Variants in CRLF3 observed in about 807,000 individuals in gnomAD.
The protein encoded by CRLF3 is cytokine receptor-like factor 3.
CRLF3 carries 33 observed loss-of-function variants against 55.0 expected under a neutral mutation model. The ratio of observed to expected loss-of-function variants is 0.60; its 90% CI spans 0.46 to 0.80. The LOEUF (loss-of-function observed/expected upper bound fraction) is 0.80, where lower values mean the gene tolerates loss of function less well. CRLF3 is among the 30% of genes least tolerant of loss of function. CRLF3 has a pLI of 0.00. For missense variants in CRLF3, 494 were observed against 538.4 expected (o/e 0.92, Z 0.82); for synonymous variants, 238 against 196.8 (o/e 1.21, Z -1.75).
intron 1 of CRLF3, among the ~76,000 whole-genome samples, chr17:30,810,553 C>T (rs1275808895): frequency 5.3e-5 from 8 of 152,004 alleles, no homozygotes; most frequent in Non-Finnish European, 7.4e-5. Flanking sequence ...TAGAGCAAGA[C>T]TCCACCTCAA....
intron 1 of CRLF3, among the ~76,000 whole-genome samples, chr17:30,819,694 A>T (rs1163486805): frequency 4.6e-5 from 7 of 152,008 alleles, no homozygotes. Context: ...GCCAGGCTGG[A>T]TCTCTACTTA....
chr17:30,799,040 G>A (rs1242171344), intron 2 of CRLF3, among the ~76,000 whole-genome samples: 11 of 152,080 alleles, frequency 7.2e-5, no homozygotes, highest in Non-Finnish European at 1.5e-5. Flanking sequence ...TTGGGAGGCC[G>A]AGGTGGGCAA....
chr17:30,788,104 G>A (rs1026140005), intron 6 of CRLF3, among the ~76,000 whole-genome samples: 8 of 151,864 alleles, frequency 5.3e-5, no homozygotes, highest in East Asian at 1.9e-4. Flanking sequence ...CGAGGTGGGC[G>A]GATCACAAAG....
intron 1 of CRLF3, among the ~76,000 whole-genome samples, chr17:30,814,006 C>T (rs1418540452): frequency 6.6e-6 from 1 of 152,142 alleles, no homozygotes; most frequent in Non-Finnish European, 1.5e-5. Flanking sequence ...CTTGTAATCC[C>T]AGCACTTTGG....
chr17:30,785,371 G>A (rs1336562489), intron 7 of CRLF3, among the ~76,000 whole-genome samples: 2 of 151,658 alleles, frequency 1.3e-5, no homozygotes, highest in Non-Finnish European at 2.9e-5. Flanking sequence ...CACCGCGCCC[G>A]GCCTCTGGCT....
chr17:30,810,970 TC>T (rs1367399916), intron 1 of CRLF3, among the ~76,000 whole-genome samples: 1 of 151,718 alleles, frequency 6.6e-6, no homozygotes, highest in East Asian at 1.9e-4. Flanking sequence ...TGGCTTGTAG[TC>T]CCAGCTGCTT....
chr17:30,810,836 C>T (rs867731184), intron 1 of CRLF3, among the ~76,000 whole-genome samples: 1 of 152,156 alleles, frequency 6.6e-6, no homozygotes, highest in Non-Finnish European at 1.5e-5. Flanking sequence ...GTGGCTCATG[C>T]CTATAATCCC....
intron 3 of CRLF3, among the ~76,000 whole-genome samples, chr17:30,796,783 G>A (rs2142256212): frequency 6.6e-6 from 1 of 150,966 alleles, no homozygotes; most frequent in African/African-American, 2.4e-5. Flanking sequence ...GAGTGCTGTG[G>A]TGCGATCTCA....
At chr17:30,791,840 C>G (rs1310565249) in intron 6 of CRLF3, among the ~76,000 whole-genome samples, 1 of 150,518 alleles carries the variant, frequency 6.6e-6, no homozygotes. Context: ...TTAAGATTTA[C>G]TTTTTAATTT....
In CRLF3 at chr17:30,797,364, C is replaced by G; in HGVS notation, c.372G>C (p.Glu124Asp). 2 of 1,614,026 alleles carry G rather than the reference C, an allele frequency of 1.2e-6. No homozygotes were observed. The highest frequency in any genetic ancestry group is 1.7e-6 in the Non-Finnish European group (2 of 1,179,926). The part of the protein sequence containing the change: ...EIAMLGGVGE[E>D]NEKLWSFTKK... ...TGGTAAAGCTCCACAGTTTCTCATT[C>G]TCTTCTCCCACACCACCAAGCATGG... The change falls in exon 3 of 8, where the codon GAG (glutamate) becomes GAC (aspartate). Residue 124 changes from glutamate to aspartate, a missense_variant. By Grantham distance (45) the Glu-to-Asp change is conservative. Transcript: ENST00000324238.
intron 4 of CRLF3, among the ~76,000 whole-genome samples, chr17:30,795,699 G>T (rs1200030251): frequency 1.3e-5 from 2 of 152,056 alleles, no homozygotes; most frequent in Non-Finnish European, 2.9e-5. Context: ...ACTTTGGGTG[G>T]CCGAGGCGAG....
At chr17:30,811,813 A>G (rs1904636984) in intron 1 of CRLF3, among the ~76,000 whole-genome samples, 1 of 149,250 alleles carries the variant, frequency 6.7e-6, no homozygotes, top group South Asian at 2.1e-4. Flanking sequence ...CAAAAAAAAA[A>G]AAAAAAAAAA....
At chr17:30,814,246 G>A (rs1904712783) in intron 1 of CRLF3, among the ~76,000 whole-genome samples, 1 of 152,006 alleles carries the variant, frequency 6.6e-6, no homozygotes, top group South Asian at 2.1e-4. Context: ...GACAGAGCAA[G>A]ACTCCGTCTC....
At chr17:30,817,255 T>C (rs1324617997) in intron 1 of CRLF3, among the ~76,000 whole-genome samples, 1 of 151,978 alleles carries the variant, frequency 6.6e-6, no homozygotes, top group Non-Finnish European at 1.5e-5. Context: ...ATGGGCAATA[T>C]GGTGAAACCT....
At chr17:30,800,773 A>ATTTT (rs562388803) in intron 2 of CRLF3, among the ~76,000 whole-genome samples, 1 of 128,780 alleles carries the variant, frequency 7.8e-6, no homozygotes, top group African/African-American at 2.9e-5. Context: ...TGCCTGGCTA[A>ATTTT]TTTTTTTTTT....
In CRLF3 at chr17:30,815,080, CT is replaced by C. The variant is rs200193418; in HGVS notation, c.129+9442del. On this transcript the variant is annotated intron_variant, in intron 1 of 7. Transcript: ENST00000324238. ...ACATTTTTTTCTTTCTTTTTTCTTT[CT>C]TTCTTTTTTTTTTTTTTTTTTTGAG... Among the ~76,000 whole-genome samples, 243 of 142,580 alleles carry C rather than the reference CT, an allele frequency of 1.7e-3. 3 individuals carry two copies. The highest frequency in any genetic ancestry group is 6.2e-3 in the African/African-American group (233 of 37,610). The allele number at this position is 142,580 out of a possible 152,430, so 93.5% of individuals were successfully genotyped here. A position where few individuals can be genotyped will look rare whatever the true frequency, so the allele number is the denominator to read the frequency against.
chr17:30,816,229 C>A (rs1465300426), intron 1 of CRLF3, among the ~76,000 whole-genome samples: 1 of 150,734 alleles, frequency 6.6e-6, no homozygotes, highest in East Asian at 2.0e-4. Context: ...TTGCAGTGAG[C>A]CGAGATCGCA....
rs751247850 is a variant in CRLF3, at chr17:30,804,041, A to T, written c.197T>A (p.Leu66His). The T allele has an allele frequency of 6.2e-7, 1 of 1,613,814 alleles. No homozygotes were observed. The highest frequency in any genetic ancestry group is 8.5e-7 in the Non-Finnish European group (1 of 1,179,962). ...KQHFNDLKGT[L>H]GKLLDERLVT... Reference sequence around the variant, plus strand: ...CAATCGCTCATCCAGGAGCTTTCCAAGGGTTCCCTTTAAATCATTAAAATG... The same window carrying T: ...CAATCGCTCATCCAGGAGCTTTCCATGGGTTCCCTTTAAATCATTAAAATG... The change falls in exon 2 of 8, where the codon CTT (leucine) becomes CAT (histidine). Residue 66 changes from leucine (L) to histidine (H), a missense_variant. Transcript: ENST00000324238.
In CRLF3 at chr17:30,793,442, C is replaced by T; in HGVS notation, c.826+8G>A. 6.2e-7 allele frequency: 1 copy of T among 1,609,016 alleles called. No individual in the cohort carries two copies. On this transcript the variant is annotated splice_region_variant and intron_variant, in intron 5 of 7. Transcript: ENST00000324238. ...TAGGCTTCAGGAGAGAAAAGGTTAGCAGCATACCATGAGGCACCAATGTGG... is the reference window on the plus strand; with the variant it reads ...TAGGCTTCAGGAGAGAAAAGGTTAGTAGCATACCATGAGGCACCAATGTGG...
Sources: gnomAD v4.1 joint callset for allele counts (sites outside exome capture counted in the v4.1 genomes callset) on GRCh38, gnomAD v4.1.1 for gene constraint, MANE v1.5 for transcripts, NCBI Gene and HGNC (gene_info 2026-07-23, HGNC 2026-07-21) for gene names.